Variants in PDE4D observed in about 807,000 individuals in gnomAD.
The protein encoded by PDE4D is phosphodiesterase 4D.
A neutral mutation model predicts 87.4 loss-of-function variants in PDE4D; 24 were observed. The observed-to-expected ratio is 0.27, with a 90% CI of 0.20 to 0.39. PDE4D has a LOEUF of 0.39. Ranked by LOEUF, PDE4D falls within the 10% of genes least tolerant of loss-of-function variation. PDE4D has a pLI of 1.00. For missense variants in PDE4D, 714 were observed against 1,041.0 expected, an observed-to-expected ratio of 0.69 and a Z score of 4.32; for synonymous variants, 384 against 383.2, an observed-to-expected ratio of 1.00 and a Z score of -0.02.
rs765524262 is a variant in PDE4D at position 59,900,263 on chromosome 5, T to TAC, written c.272+88223_272+88224dup. Among the ~76,000 whole-genome samples, 801 of 135,830 alleles carry TAC rather than the reference T, an allele frequency of 5.9e-3. 8 individuals are homozygous for TAC. Among genetic ancestry groups the TAC allele is most frequent in the South Asian group, 0.023 (103 of 4,500 alleles). The allele number at this position is 135,830 out of a possible 152,430, so 89.1% of individuals were successfully genotyped here. ...TCAAAAAAAAATATATATATATATATACACACACACACACACACACACACA... is the reference window on the plus strand; with the variant it reads ...TCAAAAAAAAATATATATATATATATACACACACACACACACACACACACACA... On this transcript the variant is annotated intron_variant, in intron 3 of 16. Coordinates refer to the PDE4D transcript ENST00000502484.
At chr5:60,298,921 A>G (rs1753655061) in intron 1 of PDE4D, among the ~76,000 whole-genome samples, 1 of 152,236 alleles carries the variant, frequency 6.6e-6, no homozygotes, top group Non-Finnish European at 1.5e-5. Context: ...TTATATTTCA[A>G]CAGTCACCAC....
intron 1 of PDE4D, among the ~76,000 whole-genome samples, chr5:60,209,797 T>C (rs1398524263): frequency 6.6e-6 from 1 of 152,044 alleles, no homozygotes; most frequent in Admixed American, 6.6e-5. Context: ...AAGGCAAGTA[T>C]AAAATGGTTG....
chr5:59,903,312 A>T (rs1458864113), intron 3 of PDE4D, among the ~76,000 whole-genome samples: 2 of 151,816 alleles, frequency 1.3e-5, no homozygotes, highest in Non-Finnish European at 2.9e-5. Context: ...CAGGCAAGAG[A>T]GGAGAATTAC....
At chr5:60,063,239 T>C (rs1452677840) in intron 2 of PDE4D, among the ~76,000 whole-genome samples, 1 of 152,108 alleles carries the variant, frequency 6.6e-6, no homozygotes, top group African/African-American at 2.4e-5. Flanking sequence ...AATACAGGAA[T>C]ATATTTATGT....
chr5:60,345,051 T>G (rs1291826539), intron 1 of PDE4D, among the ~76,000 whole-genome samples: 1 of 152,064 alleles, frequency 6.6e-6, no homozygotes. Context: ...GATTATACTA[T>G]ATACGTATTA....
chr5:59,949,584 C>G (rs1385717428), intron 3 of PDE4D, among the ~76,000 whole-genome samples: 1 of 152,162 alleles, frequency 6.6e-6, no homozygotes, highest in Non-Finnish European at 1.5e-5. Context: ...GAGCCCATTC[C>G]TTGACTGCCT....
chr5:59,939,040 A>G (rs1756904744), intron 3 of PDE4D, among the ~76,000 whole-genome samples: 1 of 152,228 alleles, frequency 6.6e-6, no homozygotes, highest in Non-Finnish European at 1.5e-5. Flanking sequence ...GCCAGAGTGA[A>G]ACCCTTCTTA....
intron 3 of PDE4D, among the ~76,000 whole-genome samples, chr5:59,957,494 T>TTATATATGA (rs1259854815): frequency 5.9e-5 from 9 of 152,076 alleles, no homozygotes; most frequent in African/African-American, 2.2e-4. Flanking sequence ...TCTGAAAATG[T>TTATATATGA]TATATATGAT....
At chr5:60,220,349 G>T (rs1336484267) in intron 1 of PDE4D, among the ~76,000 whole-genome samples, 2 of 152,112 alleles carry the variant, frequency 1.3e-5, no homozygotes, top group African/African-American at 4.8e-5. Flanking sequence ...GCTACATATG[G>T]TCTTCATCTC....
rs939034314 is a variant in PDE4D at position 58,969,143 on chromosome 5, CCTA to C, written c.*5518_*5520del. The C allele has an allele frequency of 6.6e-5, 10 of 152,100 alleles. No individual in the cohort carries two copies. The highest frequency in any genetic ancestry group is 6.5e-5 in the Admixed American group (1 of 15,282). 9.4% of individuals were successfully genotyped at this position (152,100 alleles called of 1,614,324 possible). ...GGCTATATTCAACACATATTAAGAA[CCTA>C]CTGTGTACCAGGCATAGTTTTAAGT... On this transcript the variant is annotated 3_prime_UTR_variant, in exon 15 of 15. Coordinates refer to ENST00000340635, the MANE Select transcript of PDE4D (RefSeq NM_001104631.2).
At chr5:60,205,204 G>C (rs1742360123) in intron 1 of PDE4D, among the ~76,000 whole-genome samples, 1 of 152,100 alleles carries the variant, frequency 6.6e-6, no homozygotes, top group African/African-American at 2.4e-5. Context: ...ACTGCCTGGA[G>C]CACCACAAAC....
At chr5:59,457,851 G>C (rs1398643884) in intron 1 of PDE4D, among the ~76,000 whole-genome samples, 1 of 152,032 alleles carries the variant, frequency 6.6e-6, no homozygotes, top group Admixed American at 6.6e-5. Flanking sequence ...AGCTGAGTTT[G>C]TGCCATTGCA....
At chr5:59,185,288 C>T (rs753416622) in intron 3 of PDE4D, 26 bp from the exon 4 acceptor site, 2 of 1,556,370 alleles carry the variant, frequency 1.3e-6, no homozygotes, top group South Asian at 1.2e-5. Flanking sequence ...ATTCTTGAAA[C>T]TTCTTGAGCT....
chr5:59,111,160 G>T (rs1561502481), intron 5 of PDE4D, among the ~76,000 whole-genome samples: 1 of 152,150 alleles, frequency 6.6e-6, no homozygotes, highest in Admixed American at 6.5e-5. Flanking sequence ...GTGTCTCATA[G>T]AACTTCAATG....
intron 3 of PDE4D, among the ~76,000 whole-genome samples, chr5:59,899,001 A>G (rs1396144583): frequency 6.6e-6 from 1 of 152,192 alleles, no homozygotes; most frequent in African/African-American, 2.4e-5. Context: ...AAAAAAGCCA[A>G]CATTTCCACT....
chr5:59,574,005 A>AAAAAT (rs1266408182), intron 1 of PDE4D, among the ~76,000 whole-genome samples: 22 of 119,708 alleles, frequency 1.8e-4, no homozygotes, highest in African/African-American at 6.3e-4. Context: ...CTCAAAAAAA[A>AAAAAT]ATATATATAT....
At chr5:59,373,915 T>G (rs1784325376) in intron 1 of PDE4D, among the ~76,000 whole-genome samples, 1 of 152,150 alleles carries the variant, frequency 6.6e-6, no homozygotes, top group Admixed American at 6.5e-5. Context: ...CAATTTCATA[T>G]CTGGCCAAAC....
intron 5 of PDE4D, among the ~76,000 whole-genome samples, chr5:59,075,876 C>G (rs1024361923): frequency 6.6e-6 from 1 of 151,766 alleles, no homozygotes; most frequent in Non-Finnish European, 1.5e-5. Flanking sequence ...CTATCTTTTC[C>G]TATGCAATTT....
At chr5:59,649,531 A>C (rs1743019201) in intron 1 of PDE4D, among the ~76,000 whole-genome samples, 1 of 152,130 alleles carries the variant, frequency 6.6e-6, no homozygotes, top group African/African-American at 2.4e-5. Context: ...TAGAAAAGCT[A>C]GACGGATTAC....
Sources: allele counts gnomAD v4.1 joint callset (sites outside exome capture counted in the v4.1 genomes callset), GRCh38; gene constraint gnomAD v4.1.1; transcripts MANE v1.5; gene names NCBI Gene and HGNC (gene_info 2026-07-23, HGNC 2026-07-21).